The following GALNT13 variants were observed in gnomAD, a reference collection of about 807,000 sequenced individuals.
GALNT13 encodes UDP-GalNAc:polypeptide N-acetylgalactosaminyltransferase 13.
Under a neutral mutation model 64.2 loss-of-function variants are expected in GALNT13, and 28 were observed. The observed-to-expected ratio is 0.44, with a 90% CI of 0.32 to 0.60. The LOEUF (loss-of-function observed/expected upper bound fraction) is 0.60. Ranked by LOEUF, GALNT13 falls within the 20% of genes least tolerant of loss-of-function variation. GALNT13 has a pLI of 0.05. For synonymous variants in GALNT13, 214 were observed against 224.6 expected (o/e 0.95, Z 0.42); for missense variants, 577 against 669.8 (o/e 0.86, Z 1.53).
At chr2:153,537,949 T>G in the GALNT13 span, among the ~76,000 whole-genome samples, 1 of 152,182 alleles carries the variant, frequency 6.6e-6, no homozygotes, top group African/African-American at 2.4e-5. Flanking sequence ...TATACTACAT[T>G]GGTACCAGAA....
the GALNT13 span, among the ~76,000 whole-genome samples, chr2:153,767,492 G>A: frequency 6.6e-6 from 1 of 152,010 alleles, no homozygotes; most frequent in Non-Finnish European, 1.5e-5. Context: ...GGTCAAATAG[G>A]AGTTATATTT....
the GALNT13 span, among the ~76,000 whole-genome samples, chr2:153,417,009 G>A: frequency 1.3e-5 from 2 of 152,178 alleles, no homozygotes; most frequent in African/African-American, 2.4e-5. Flanking sequence ...GAGAAAGATA[G>A]GAAGTGCTAG....
chr2:154,350,481 G>T (rs1419403685), intron 9 of GALNT13, among the ~76,000 whole-genome samples: 1 of 152,186 alleles, frequency 6.6e-6, no homozygotes, highest in Non-Finnish European at 1.5e-5. Flanking sequence ...GGGCTCTCGG[G>T]CTTTCAGCCA....
At chr2:154,371,769 T>TG (rs1697704042) in intron 9 of GALNT13, among the ~76,000 whole-genome samples, 1 of 143,368 alleles carries the variant, frequency 7.0e-6, no homozygotes, top group African/African-American at 2.6e-5. Context: ...GCTTTTTTTG[T>TG]GTGTGTGTGC....
chr2:153,776,566 A>T, the GALNT13 span, among the ~76,000 whole-genome samples: 210 of 152,354 alleles, frequency 1.4e-3, no homozygotes, highest in Admixed American at 2.5e-3. Flanking sequence ...ATCCTGAAGA[A>T]GCTTCTTTCA....
At chr2:153,648,276 T>C in the GALNT13 span, among the ~76,000 whole-genome samples, 1 of 152,132 alleles carries the variant, frequency 6.6e-6, no homozygotes, top group Non-Finnish European at 1.5e-5. Flanking sequence ...TTGTCTGATA[T>C]TGGTGTATAA....
At chr2:153,854,589 C>T in the GALNT13 span, among the ~76,000 whole-genome samples, 4 of 151,808 alleles carry the variant, frequency 2.6e-5, no homozygotes, top group African/African-American at 9.7e-5. Context: ...CTCAAAAAAA[C>T]CCCAAAAATT....
chr2:153,378,380 C>G, the GALNT13 span, among the ~76,000 whole-genome samples: 1 of 151,632 alleles, frequency 6.6e-6, no homozygotes, highest in South Asian at 2.1e-4. Flanking sequence ...TAAATTCATA[C>G]TTAAATGTAT....
the GALNT13 span, among the ~76,000 whole-genome samples, chr2:153,563,404 T>C: frequency 2.6e-5 from 4 of 152,132 alleles, no homozygotes; most frequent in African/African-American, 9.7e-5. Flanking sequence ...TCAGATTTTT[T>C]AGTGGATCTT....
chr2:153,730,838 A>G, the GALNT13 span, among the ~76,000 whole-genome samples: 3 of 152,040 alleles, frequency 2.0e-5, no homozygotes, highest in Non-Finnish European at 4.4e-5. Flanking sequence ...AACCACAGTG[A>G]GATATTATCT....
intron 2 of GALNT13, among the ~76,000 whole-genome samples, chr2:153,940,260 C>A (rs1299244099): frequency 7.7e-6 from 1 of 129,250 alleles, no homozygotes; most frequent in African/African-American, 2.9e-5. Context: ...AAGTTTTTGT[C>A]TTTTTTTTTT....
chr2:153,375,214 A>C, the GALNT13 span, among the ~76,000 whole-genome samples: 4 of 152,206 alleles, frequency 2.6e-5, no homozygotes, highest in Admixed American at 2.6e-4. Flanking sequence ...TTGTGATTTT[A>C]GAAGTGAAGT....
At chr2:153,354,267 A>G in the GALNT13 span, 1 of 152,226 alleles carries the variant, frequency 6.6e-6, no homozygotes, top group Non-Finnish European at 1.5e-5. Context: ...AGTTTGAGCA[A>G]ACATCACATA....
At chr2:154,032,713 T>C (rs1698414726) in intron 3 of GALNT13, among the ~76,000 whole-genome samples, 1 of 151,854 alleles carries the variant, frequency 6.6e-6, no homozygotes, top group Admixed American at 6.6e-5. Flanking sequence ...TCTATTCCTG[T>C]TAAACTTCTC....
At chr2:153,136,407 A>G in the GALNT13 span, among the ~76,000 whole-genome samples, 1 of 152,036 alleles carries the variant, frequency 6.6e-6, no homozygotes, top group South Asian at 2.1e-4. Context: ...CTTGTGTCTG[A>G]TCATACTCCA....
intron 8 of GALNT13, among the ~76,000 whole-genome samples, chr2:154,263,369 A>C (rs1032946830): frequency 2.0e-5 from 3 of 152,202 alleles, no homozygotes; most frequent in African/African-American, 7.2e-5. Flanking sequence ...CACTCAGCAC[A>C]TAGTGTGTCA....
chr2:153,204,591 C>A, the GALNT13 span, among the ~76,000 whole-genome samples: 1 of 152,222 alleles, frequency 6.6e-6, no homozygotes, highest in Non-Finnish European at 1.5e-5. Context: ...TAGTCCAACT[C>A]ACCATGCCTA....
At chr2:154,096,323 A>G (rs1702071204) in intron 3 of GALNT13, among the ~76,000 whole-genome samples, 3 of 151,974 alleles carry the variant, frequency 2.0e-5, no homozygotes, top group African/African-American at 7.2e-5. Context: ...CATAATTGGT[A>G]GTGTGGAGAA....
intron 8 of GALNT13, among the ~76,000 whole-genome samples, chr2:154,265,207 GACA>G (rs1396394619): frequency 6.6e-6 from 1 of 151,078 alleles, no homozygotes; most frequent in Non-Finnish European, 1.5e-5. Context: ...AGATAAAATG[GACA>G]ACTTCATTAA....
Sources: allele counts gnomAD v4.1 joint callset (sites outside exome capture counted in the v4.1 genomes callset), GRCh38; gene constraint gnomAD v4.1.1; transcripts MANE v1.5; gene names NCBI Gene and HGNC (gene_info 2026-07-23, HGNC 2026-07-21).